Variants in CCNY observed in about 807,000 individuals in gnomAD.
CCNY encodes cyclin-Y.
In CCNY, 19 loss-of-function variants were observed where a neutral mutation model predicts 42.8. The observed-to-expected ratio is 0.44, with a 90% confidence interval of 0.31 to 0.65. The LOEUF is 0.65. Among genes scored for constraint, CCNY ranks in the 30% least tolerant of loss-of-function variants. CCNY has a pLI of 0.07. For missense variants in CCNY, 370 were observed against 437.3 expected, an observed-to-expected ratio of 0.85 and a Z score of 1.37; for synonymous variants, 165 against 162.7, an observed-to-expected ratio of 1.01 and a Z score of -0.11.
At chr10:35,307,666 GTA>G (rs199519538) in intron 3 of CCNY, among the ~76,000 whole-genome samples, 4 of 141,084 alleles carry the variant, frequency 2.8e-5, no homozygotes, top group Non-Finnish European at 3.1e-5. Context: ...AAGGTTATAT[GTA>G]TATATATATA....
intron 1 of CCNY, among the ~76,000 whole-genome samples, chr10:35,440,293 A>G (rs1431396300): frequency 6.6e-6 from 1 of 152,138 alleles, no homozygotes; most frequent in Non-Finnish European, 1.5e-5. Context: ...CAGAAAGGAA[A>G]CTCAGGGAAC....
intron 7 of CCNY, among the ~76,000 whole-genome samples, chr10:35,546,632 C>A (rs563588838): frequency 8.9e-4 from 136 of 152,264 alleles, no homozygotes; most frequent in African/African-American, 3.1e-3. Context: ...ATTTTTAAGT[C>A]TAGCTTACCA....
At chr10:35,309,693 T>C (rs748252557) in intron 3 of CCNY, among the ~76,000 whole-genome samples, 20 of 152,170 alleles carry the variant, frequency 1.3e-4, no homozygotes, top group Non-Finnish European at 2.8e-4. Flanking sequence ...AGTGATGAGA[T>C]TGCAGGCATG....
intron 7 of CCNY, among the ~76,000 whole-genome samples, chr10:35,539,975 A>G (rs1589192421): frequency 6.6e-6 from 1 of 152,302 alleles, no homozygotes; most frequent in East Asian, 1.9e-4. Context: ...TTTTTTCAGT[A>G]GATTCTTTAG....
In CCNY at chr10:35,552,880, G is replaced by A; in HGVS notation, c.580-139G>A. The A allele has an allele frequency of 4.7e-6, 4 of 849,866 alleles. No homozygotes were observed. The South Asian group carries it at 7.1e-5, about 15-fold the overall frequency. The allele number at this position is 849,866 out of a possible 1,614,324, so 52.6% of individuals were successfully genotyped here. A position where few individuals can be genotyped will look rare whatever the true frequency, so the allele number is the denominator to read the frequency against. ...TTCATCAGACTCATTGAGTCATTTG[G>A]CCTTTTAAAAATAAATGTGATTGGG... On this transcript the variant is annotated intron_variant, in intron 7 of 9. Coordinates refer to ENST00000374704, the MANE Select transcript of CCNY (RefSeq NM_145012.6).
At chr10:35,252,497 C>T (rs1348120940) in intron 3 of CCNY, among the ~76,000 whole-genome samples, 2 of 140,200 alleles carry the variant, frequency 1.4e-5, no homozygotes, top group Non-Finnish European at 3.0e-5. Context: ...ACCTGGGAAG[C>T]GGAGCTTGCA....
intron 3 of CCNY, among the ~76,000 whole-genome samples, chr10:35,292,462 C>T (rs1240053646): frequency 2.0e-5 from 3 of 152,058 alleles, no homozygotes; most frequent in Non-Finnish European, 2.9e-5. Context: ...CTCCTGGGTT[C>T]AAGCAATTCT....
chr10:35,496,366 C>G (rs1416541011), intron 2 of CCNY, among the ~76,000 whole-genome samples: 1 of 152,260 alleles, frequency 6.6e-6, no homozygotes. Context: ...GGGTCCTACA[C>G]GCGGTCTCCT....
At chr10:35,457,736 A>G (rs1839068785) in intron 1 of CCNY, among the ~76,000 whole-genome samples, 1 of 151,830 alleles carries the variant, frequency 6.6e-6, no homozygotes, top group Non-Finnish European at 1.5e-5. Flanking sequence ...GCCTGCCACC[A>G]CACCCGGCTA....
chr10:35,257,187 CTTTCTTTTCTTT>C (rs140495574), intron 3 of CCNY, among the ~76,000 whole-genome samples: 3,171 of 147,710 alleles, frequency 0.021, 51 homozygotes, highest in Non-Finnish European at 0.028. Context: ...GTAATTCTCT[CTTTCTTTTCTTT>C]TTTCTTTTCT....
chr10:35,404,262 T>C (rs1352424775), intron 1 of CCNY, among the ~76,000 whole-genome samples: 2 of 152,132 alleles, frequency 1.3e-5, no homozygotes. Context: ...GGCCAAGTTG[T>C]TTGGACAGAA....
intron 3 of CCNY, among the ~76,000 whole-genome samples, chr10:35,268,357 C>G (rs115043653): frequency 0.013 from 1,958 of 152,250 alleles, 45 homozygotes; most frequent in African/African-American, 0.045. Context: ...CTACCAACAA[C>G]GACAAACAAC....
intron 1 of CCNY, among the ~76,000 whole-genome samples, chr10:35,396,107 G>A (rs942517950): frequency 1.3e-5 from 2 of 152,150 alleles, no homozygotes; most frequent in Admixed American, 6.5e-5. Context: ...CCCCAGCATG[G>A]CGTTTTGCAC....
intron 3 of CCNY, among the ~76,000 whole-genome samples, chr10:35,277,754 GT>G (rs1421551248): frequency 6.6e-6 from 1 of 150,980 alleles, no homozygotes; most frequent in Non-Finnish European, 1.5e-5. Context: ...AGTCCTTCCT[GT>G]CACAGAGCTC....
chr10:35,566,468 A>G (rs1406260035), intron 9 of CCNY, among the ~76,000 whole-genome samples: 1 of 152,186 alleles, frequency 6.6e-6, no homozygotes, highest in East Asian at 1.9e-4. Context: ...CAGCCTCTCA[A>G]GTAGCTGGGA....
chr10:35,497,721 C>T (rs1212797073), intron 2 of CCNY, among the ~76,000 whole-genome samples: 7 of 128,572 alleles, frequency 5.4e-5, no homozygotes, highest in African/African-American at 8.9e-5. Context: ...AGCGAGACTC[C>T]GTCTCAAAAA....
In CCNY at chr10:35,522,039, G is replaced by A. The variant is rs143310194; in HGVS notation, c.366-3925G>A. ...GTCCAAAAACAAAATAGACAGCCCA[G>A]TACAATTCTCCTTAGACTTTTAAAA... On this transcript the variant is annotated intron_variant, in intron 4 of 9. Transcript: ENST00000374704. Among the ~76,000 whole-genome samples, 132 of 152,282 alleles carry A rather than the reference G, an allele frequency of 8.7e-4. 1 individual carries two copies. Among genetic ancestry groups the A allele is most frequent in the Admixed American group, 5.7e-3 (87 of 15,300 alleles).
chr10:35,464,164 C>T (rs575596097), intron 1 of CCNY, among the ~76,000 whole-genome samples: 149 of 152,324 alleles, frequency 9.8e-4, no homozygotes, highest in African/African-American at 3.2e-3. Context: ...CACCGCCGAA[C>T]TGGGTCTTCC....
At chr10:35,280,035 GTTCAGATCACCAAAGATCTCCACGT>G (rs1835281838) in intron 3 of CCNY, among the ~76,000 whole-genome samples, 1 of 151,804 alleles carries the variant, frequency 6.6e-6, no homozygotes, top group African/African-American at 2.4e-5. Context: ...AACTGCTATT[GTTCAGATCACCAAAGATCTCCACGT>G]TTCATCTTTG....
Sources: allele counts gnomAD v4.1 joint callset (sites outside exome capture counted in the v4.1 genomes callset), GRCh38; gene constraint gnomAD v4.1.1; transcripts MANE v1.5; gene names NCBI Gene and HGNC (gene_info 2026-07-23, HGNC 2026-07-21).